Variants in FNDC3B observed in about 807,000 individuals in gnomAD.
FNDC3B encodes fibronectin type III domain-containing protein 3B.
FNDC3B carries 12 observed loss-of-function variants against 151.5 expected under a neutral mutation model. That is an observed-to-expected ratio of 0.08 (90% CI 0.05 to 0.13). The LOEUF (loss-of-function observed/expected upper bound fraction) is 0.13. FNDC3B is among the 10% of genes least tolerant of loss of function. The probability of loss-of-function intolerance (pLI) is 1.00; values close to 1 mark genes in which losing one functional copy is unlikely to be tolerated. For synonymous variants in FNDC3B, 528 were observed against 549.0 expected (o/e 0.96, Z 0.54); for missense variants, 1,214 against 1,505.3 (o/e 0.81, Z 3.20).
At position 172,343,066 on chromosome 3, in the gene FNDC3B, C is replaced by T. The variant is rs763538463; in HGVS notation, c.2027C>T (p.Pro676Leu). 1 of 1,613,462 alleles carries T rather than the reference C, an allele frequency of 6.2e-7. No homozygotes were observed. The highest frequency in any genetic ancestry group is 8.5e-7 in the Non-Finnish European group (1 of 1,179,636). ...TLSIAPGQCR[P>L]PRVLGRPKHK... ...AGCATTGCACCAGGTCAATGTCGAC[C>T]ACCGAGGGTTTTGGGTAGACCAAAG... The change falls in exon 18 of 26, where the codon CCA (proline) becomes CTA (leucine). Residue 676 changes from proline to leucine, a missense_variant. Transcript: ENST00000415807.
intron 4 of FNDC3B, among the ~76,000 whole-genome samples, chr3:172,239,532 GT>G (rs1727358707): frequency 6.6e-6 from 1 of 152,100 alleles, no homozygotes; most frequent in African/African-American, 2.4e-5. Context: ...CACTACGTAT[GT>G]TTGTGGGTTC....
In FNDC3B at chr3:172,247,479, T is replaced by TATTC. The variant is rs982806266; in HGVS notation, c.265-51_265-48dup. 3.2e-6 allele frequency: 5 copies of TATTC among 1,559,786 alleles called. No homozygotes were observed. In the African/African-American group the frequency reaches 5.5e-5, roughly 17 times the overall value. On this transcript the variant is annotated intron_variant, in intron 4 of 25. Coordinates refer to ENST00000415807, the MANE Select transcript of FNDC3B (RefSeq NM_022763.4). Reference sequence around the variant, plus strand: ...AAGTGGAAGTTATTAATACTATATATATTCATAGGCTGCTAATATGTACTG... The same window carrying TATTC: ...AAGTGGAAGTTATTAATACTATATATATTCATTCATAGGCTGCTAATATGTACTG...
intron 1 of FNDC3B, among the ~76,000 whole-genome samples, chr3:172,090,072 T>C (rs984981872): frequency 1.3e-5 from 2 of 152,230 alleles, no homozygotes; most frequent in Non-Finnish European, 2.9e-5. Flanking sequence ...ATTAGTCTAT[T>C]CCGAATTTCC....
chr3:172,309,477 A>G (rs1429112667), intron 10 of FNDC3B, among the ~76,000 whole-genome samples: 1 of 143,452 alleles, frequency 7.0e-6, no homozygotes, highest in African/African-American at 2.6e-5. Context: ...ATGGGTTCTC[A>G]TCTTAGAGAA....
At chr3:172,206,315 G>T in intron 3 of FNDC3B, among the ~76,000 whole-genome samples, 1 of 152,266 alleles carries the variant, frequency 6.6e-6, no homozygotes, top group Non-Finnish European at 1.5e-5. Context: ...ATGGTTTTGC[G>T]TGAATAATGT....
intron 3 of FNDC3B, among the ~76,000 whole-genome samples, chr3:172,200,543 T>C (rs1576791982): frequency 6.6e-6 from 1 of 152,242 alleles, no homozygotes; most frequent in East Asian, 1.9e-4. Context: ...TTCAATACTT[T>C]ATTATAAAAT....
chr3:172,112,908 G>T (rs1291949868), intron 2 of FNDC3B, among the ~76,000 whole-genome samples: 1 of 152,148 alleles, frequency 6.6e-6, no homozygotes, highest in Admixed American at 6.5e-5. Context: ...TAGTTTGCTT[G>T]GTTGGCCAGA....
At chr3:172,310,940 A>T in intron 11 of FNDC3B, 59 bp downstream of exon 11, 1 of 1,138,834 alleles carries the variant, frequency 8.8e-7, no homozygotes, top group Middle Eastern at 2.2e-4. Context: ...AAATTAACTG[A>T]ACAAATGCCA....
chr3:172,345,604 T>G (rs1458014909), intron 19 of FNDC3B, among the ~76,000 whole-genome samples: 1 of 152,170 alleles, frequency 6.6e-6, no homozygotes, highest in Non-Finnish European at 1.5e-5. Flanking sequence ...CGCCGTCTTT[T>G]TTCTCTCATT....
At chr3:172,369,499 G>A (rs1576952944) in intron 23 of FNDC3B, among the ~76,000 whole-genome samples, 1 of 151,208 alleles carries the variant, frequency 6.6e-6, no homozygotes, top group Admixed American at 6.6e-5. Context: ...TTTATTCTTT[G>A]TAAAGAATTT....
intron 6 of FNDC3B, among the ~76,000 whole-genome samples, chr3:172,283,119 G>A (rs1244923618): frequency 6.6e-6 from 1 of 152,172 alleles, no homozygotes; most frequent in African/African-American, 2.4e-5. Flanking sequence ...TGTAATCAAA[G>A]GCAAACAGAG....
At chr3:172,292,030 G>A (rs536645328) in intron 7 of FNDC3B, among the ~76,000 whole-genome samples, 381 of 152,280 alleles carry the variant, frequency 2.5e-3, no homozygotes, top group African/African-American at 8.6e-3. Flanking sequence ...ACATTCTCTT[G>A]AAAGACAGCA....
At chr3:172,093,636 C>A (rs968671606) in intron 1 of FNDC3B, among the ~76,000 whole-genome samples, 2 of 152,086 alleles carry the variant, frequency 1.3e-5, no homozygotes, top group Admixed American at 1.3e-4. Flanking sequence ...TGGCCTCAGG[C>A]TGTCCTCCCT....
intron 3 of FNDC3B, among the ~76,000 whole-genome samples, chr3:172,202,142 C>T (rs534957944): frequency 5.9e-5 from 9 of 152,300 alleles, no homozygotes; most frequent in East Asian, 3.9e-4. Flanking sequence ...TGAGTTGAGT[C>T]GGCCATCATG....
intron 3 of FNDC3B, among the ~76,000 whole-genome samples, chr3:172,164,831 A>G (rs1722934358): frequency 6.6e-6 from 1 of 152,226 alleles, no homozygotes; most frequent in South Asian, 2.1e-4. Flanking sequence ...TGTTAGAAAG[A>G]AAAGGTAACA....
chr3:172,314,860 C>T (rs1731700849), intron 11 of FNDC3B, among the ~76,000 whole-genome samples: 1 of 152,174 alleles, frequency 6.6e-6, no homozygotes, highest in African/African-American at 2.4e-5. Context: ...AAACGCATTA[C>T]AGTACAGGGG....
Position 172,337,189 on chromosome 3 carries a change from G to A in FNDC3B, c.1781-141G>A, listed in dbSNP as rs1261493114. On this transcript the variant is annotated intron_variant, in intron 15 of 25. Transcript: ENST00000415807. ...TTTCTTTTTTTTCAACAGAGGAGTT[G>A]GTGAAATAAATTATTTTGCCTTTTG... 2 of 527,908 alleles carry A rather than the reference G, an allele frequency of 3.8e-6. 1 individual carries two copies. The highest frequency in any genetic ancestry group is 6.9e-5 in the South Asian group (2 of 28,926). 32.7% of individuals were successfully genotyped at this position (527,908 alleles called of 1,614,324 possible).
intron 3 of FNDC3B, among the ~76,000 whole-genome samples, chr3:172,206,659 CAAAAAAA>C (rs57377409): frequency 5.0e-4 from 27 of 54,514 alleles, no homozygotes; most frequent in African/African-American, 1.9e-3. Context: ...AACTCCATCT[CAAAAAAA>C]AAAAAAAAAA....
At chr3:172,253,698 TTG>T (rs1728193208) in intron 6 of FNDC3B, among the ~76,000 whole-genome samples, 1 of 152,182 alleles carries the variant, frequency 6.6e-6, no homozygotes, top group African/African-American at 2.4e-5. Context: ...AACATGTGAC[TTG>T]TGTGTGTTTT....
Sources: allele counts gnomAD v4.1 joint callset (sites outside exome capture counted in the v4.1 genomes callset), GRCh38; gene constraint gnomAD v4.1.1; transcripts MANE v1.5; gene names NCBI Gene and HGNC (gene_info 2026-07-23, HGNC 2026-07-21).